SRP68: variants seen among roughly 807,000 people sequenced by gnomAD.
SRP68 encodes the protein signal recognition particle subunit SRP68.
Under a neutral mutation model 82.2 loss-of-function variants are expected in SRP68, and 15 were observed. The ratio of observed to expected loss-of-function variants is 0.18; its 90% CI spans 0.12 to 0.28. SRP68 has a LOEUF of 0.28. Among genes scored for constraint, SRP68 ranks in the 10% least tolerant of loss-of-function variants. The pLI is 1.00. For synonymous variants in SRP68, 261 were observed against 292.6 expected (o/e 0.89, Z 1.10); for missense variants, 595 against 780.5 (o/e 0.76, Z 2.83).
Position 76,064,046 on chromosome 17 carries a change from T to C in SRP68, c.491A>G (p.Lys164Arg). The change falls in exon 4 of 16, where the codon AAG becomes AGG. Residue 164 changes from lysine (K) to arginine (R), a missense_variant. This residue lies in a region of SRP68 where 495 missense variants were observed against 688.6 expected (regional missense o/e 0.72). Coordinates refer to ENST00000307877, the MANE Select transcript of SRP68 (RefSeq NM_014230.4). The stretch of plus-strand genomic sequence containing the variant: ...CAAGCGTTCCAATTCCTCTGCATGC[T>C]TCACGGCTTTGCGTAGGCGAGATAA... ...HLLSRLRKAV[K>R]HAEELERLCE... 3 of 1,614,230 alleles carry C rather than the reference T, an allele frequency of 1.9e-6. No individual in the cohort carries two copies. The South Asian group carries it at 3.3e-5, about 18-fold the overall frequency.
At chr17:76,048,085 A>G (rs2066645004) in intron 9 of SRP68, 115 bp from the exon 10 acceptor site, 1 of 486,210 alleles carries the variant, frequency 2.1e-6, no homozygotes, top group African/African-American at 2.0e-5. Context: ...AAACTCTAGT[A>G]AGACAGGAGT....
At chr17:76,059,662 C>T (rs2066736622) in intron 7 of SRP68, among the ~76,000 whole-genome samples, 1 of 151,886 alleles carries the variant, frequency 6.6e-6, no homozygotes. Flanking sequence ...CAATTGAATA[C>T]TTGGCCGAGA....
At position 76,072,150 on chromosome 17, in the gene SRP68, C is replaced by CT. The variant is rs2066857786; in HGVS notation, c.184+157_184+158insA. ...AGGAAAGACTAGTCGAGAGACAGAC[C>CT]CCCCCCGGAATTCTGAGCACCAAAA... On this transcript the variant is annotated intron_variant, in intron 1 of 15. Transcript: ENST00000307877. The surrounding 1 kb of genome is among the most constrained non-coding windows in gnomAD (Gnocchi z 4.5). 1 of 1,400,918 alleles carries CT rather than the reference C, an allele frequency of 7.1e-7. No homozygotes were observed. The allele number at this position is 1,400,918 out of a possible 1,614,324, so 86.8% of individuals were successfully genotyped here. A position where few individuals can be genotyped will look rare whatever the true frequency, so the allele number is the denominator to read the frequency against.
At chr17:76,055,117 C>T (rs904349365) in intron 8 of SRP68, among the ~76,000 whole-genome samples, 14 of 151,578 alleles carry the variant, frequency 9.2e-5, no homozygotes, top group Non-Finnish European at 1.6e-4. Flanking sequence ...CCACCACACC[C>T]GGCTAATTTT....
chr17:76,068,520 G>A (rs538897222), intron 2 of SRP68, among the ~76,000 whole-genome samples: 1 of 151,816 alleles, frequency 6.6e-6, no homozygotes, highest in African/African-American at 2.4e-5. Context: ...AAAGAAAGCA[G>A]GGAAAGGGGC....
In SRP68 at chr17:76,072,342, T is replaced by C. The variant is rs779407105; in HGVS notation, c.150A>G (p.Ala50=). 1 of 1,612,704 alleles carries C rather than the reference T, an allele frequency of 6.2e-7. No individual in the cohort carries two copies. The highest frequency in any genetic ancestry group is 1.3e-5 in the African/African-American group (1 of 74,724). Residue 50 remains alanine (A), a synonymous_variant, in exon 1 of 16, where the codon GCA becomes GCG. Coordinates refer to ENST00000307877, the MANE Select transcript of SRP68 (RefSeq NM_014230.4). This position sits in a 1 kb window ranked among gnomAD's most constrained non-coding sequence, Gnocchi z 4.5. ...TCAGGCTATCCCCAAATTCTTTGTT[T>C]GCCTTCGATCCGGCCGAAGGGCGTT... ...ENERPSAGSK[A]NKEFGDSLSL...
At chr17:76,067,955 C>T (rs992763288) in intron 2 of SRP68, among the ~76,000 whole-genome samples, 9 of 152,086 alleles carry the variant, frequency 5.9e-5, no homozygotes, top group Non-Finnish European at 1.2e-4. Flanking sequence ...TAATCATTCT[C>T]TTGTTAGCAC....
chr17:76,040,131 G>T (rs1168915549), intron 15 of SRP68, among the ~76,000 whole-genome samples, 198 bp from the exon 16 acceptor site: 1 of 152,190 alleles, frequency 6.6e-6, no homozygotes, highest in Non-Finnish European at 1.5e-5. Flanking sequence ...GAGAGGCTAA[G>T]AGAGTGGCAG....
chr17:76,057,154 C>T (rs780620852), intron 8 of SRP68, among the ~76,000 whole-genome samples: 1 of 152,206 alleles, frequency 6.6e-6, no homozygotes, highest in Non-Finnish European at 1.5e-5. Flanking sequence ...GCCTCTAATG[C>T]CTCCCATTTT....
intron 8 of SRP68, 121 bp from the exon 9 acceptor site, chr17:76,050,647 C>A: frequency 1.6e-6 from 1 of 644,666 alleles, no homozygotes; most frequent in Non-Finnish European, 2.8e-6. Flanking sequence ...GCACGCCACA[C>A]CAGATATCAT....
At chr17:76,050,783 C>T (rs942731939) in intron 8 of SRP68, among the ~76,000 whole-genome samples, 3 of 131,326 alleles carry the variant, frequency 2.3e-5, no homozygotes, top group Non-Finnish European at 4.9e-5. Context: ...CATAACTGAT[C>T]TGAGACTTAG....
At chr17:76,047,512 A>C (rs1455965113) in intron 10 of SRP68, among the ~76,000 whole-genome samples, 1 of 152,190 alleles carries the variant, frequency 6.6e-6, no homozygotes, top group Non-Finnish European at 1.5e-5. Flanking sequence ...AGCCAGGTGC[A>C]GTGGTTCACG....
chr17:76,072,156 C>A lies in SRP68; in HGVS notation c.184+152G>T, dbSNP rs1169736079. 1.4e-6 allele frequency: 2 copies of A among 1,450,522 alleles called. No homozygotes were observed. The highest frequency in any genetic ancestry group is 1.9e-6 in the Non-Finnish European group (2 of 1,080,924). The allele number at this position is 1,450,522 out of a possible 1,614,324, so 89.9% of individuals were successfully genotyped here. A position where few individuals can be genotyped will look rare whatever the true frequency, so the allele number is the denominator to read the frequency against. On this transcript the variant is annotated intron_variant, in intron 1 of 15. Coordinates refer to ENST00000307877, the MANE Select transcript of SRP68 (RefSeq NM_014230.4). The surrounding 1 kb of genome is among the most constrained non-coding windows in gnomAD (Gnocchi z 4.5). ...GACTAGTCGAGAGACAGACCCCCCCCGGAATTCTGAGCACCAAAAGGTAAG... is the reference window on the plus strand; with the variant it reads ...GACTAGTCGAGAGACAGACCCCCCCAGGAATTCTGAGCACCAAAAGGTAAG...
chr17:76,072,416 CGCCGCCGCCACT>C lies in SRP68; in HGVS notation c.64_75del (p.Ser22_Gly25del). 6.3e-7 allele frequency: 1 copy of C among 1,585,052 alleles called. No homozygotes were observed. The highest frequency in any genetic ancestry group is 8.6e-7 in the Non-Finnish European group (1 of 1,167,516). ...CCGGCACCACGTCCACCGCCGCTAC[CGCCGCCGCCACT>C]GCCACCGCCGCCGCCACTGCCGCCG... On this transcript the variant is annotated inframe_deletion, in exon 1 of 16. Coordinates refer to ENST00000307877, the MANE Select transcript of SRP68 (RefSeq NM_014230.4). This position sits in a 1 kb window ranked among gnomAD's most constrained non-coding sequence, Gnocchi z 4.5.
At chr17:76,060,929 A>G (rs557848091) in intron 6 of SRP68, among the ~76,000 whole-genome samples, 181 bp downstream of exon 6, 1 of 152,342 alleles carries the variant, frequency 6.6e-6, no homozygotes, top group East Asian at 1.9e-4. Flanking sequence ...ACCGTCTTCT[A>G]TAATTTTGGG....
chr17:76,052,988 G>A (rs189479016), intron 8 of SRP68, among the ~76,000 whole-genome samples: 92 of 151,328 alleles, frequency 6.1e-4, no homozygotes, highest in African/African-American at 2.1e-3. Flanking sequence ...GGCGTCGGAC[G>A]CGGTGGCTCA....
intron 9 of SRP68, 41 bp downstream of exon 9, chr17:76,050,386 AC>A (rs1309605602): frequency 7.0e-7 from 1 of 1,432,356 alleles, no homozygotes; most frequent in African/African-American, 1.4e-5. Flanking sequence ...GCTGACCTGG[AC>A]CCGCCCAGAG....
At chr17:76,059,907 C>T (rs1467216302) in intron 7 of SRP68, among the ~76,000 whole-genome samples, 3 of 151,412 alleles carry the variant, frequency 2.0e-5, no homozygotes, top group East Asian at 3.9e-4. Flanking sequence ...GGGCGGATCT[C>T]GAGGTCAGGA....
chr17:76,063,066 G>C (rs754418404), intron 4 of SRP68, among the ~76,000 whole-genome samples: 2 of 151,420 alleles, frequency 1.3e-5, no homozygotes, highest in Non-Finnish European at 2.9e-5. Context: ...CACCACGCCC[G>C]GCCTAAGAAT....
Sources: gnomAD v4.1 joint callset for allele counts (sites outside exome capture counted in the v4.1 genomes callset) on GRCh38, gnomAD v4.1.1 for gene constraint, gnomAD v4.1.1 regional missense constraint, Gnocchi (gnomAD v3.1) non-coding constraint, MANE v1.5 for transcripts, NCBI Gene and HGNC (gene_info 2026-07-23, HGNC 2026-07-21) for gene names.